The following ABI1 variants were observed in gnomAD, a reference collection of about 807,000 sequenced individuals.
ABI1 encodes Abelson interactor 1.
In ABI1, 14 loss-of-function variants were observed where a neutral mutation model predicts 54.6. That is an observed-to-expected ratio of 0.26 (90% CI 0.17 to 0.40). The LOEUF (loss-of-function observed/expected upper bound fraction) is 0.40, where lower values mean the gene tolerates loss of function less well. ABI1 is among the 10% of genes least tolerant of loss of function. ABI1 has a pLI of 1.00. For missense variants in ABI1, 443 were observed against 598.3 expected, an observed-to-expected ratio of 0.74 and a Z score of 2.71; for synonymous variants, 194 against 209.3, an observed-to-expected ratio of 0.93 and a Z score of 0.63.
intron 2 of ABI1, among the ~76,000 whole-genome samples, chr10:26,782,307 T>A (rs1842208557): frequency 6.6e-6 from 1 of 152,126 alleles, no homozygotes; most frequent in Non-Finnish European, 1.5e-5. Flanking sequence ...CCACAGCATC[T>A]TATATCGCTT....
In ABI1 at chr10:26,777,282, C is replaced by T. The variant is rs765922059; in HGVS notation, c.286-41G>A. 19 of 1,497,364 alleles carry T rather than the reference C, an allele frequency of 1.3e-5. No individual in the cohort carries two copies. The Admixed American group carries it at 1.9e-4, about 15-fold the overall frequency. 92.8% of individuals were successfully genotyped at this position (1,497,364 alleles called of 1,614,324 possible). Reference sequence around the variant, plus strand: ...AACAAAACAAGAAAATATTATTTGACATAATATGTTTGCTATCCATATACA... The same window carrying T: ...AACAAAACAAGAAAATATTATTTGATATAATATGTTTGCTATCCATATACA... On this transcript the variant is annotated intron_variant, in intron 2 of 10. Transcript: ENST00000376140.
At chr10:26,809,628 AG>A (rs1243933254) in intron 2 of ABI1, among the ~76,000 whole-genome samples, 1 of 152,208 alleles carries the variant, frequency 6.6e-6, no homozygotes, top group Non-Finnish European at 1.5e-5. Context: ...CACATAAAAA[AG>A]GGGGGAAATA....
chr10:26,831,308 C>T (rs896701097), intron 1 of ABI1, among the ~76,000 whole-genome samples: 1 of 151,976 alleles, frequency 6.6e-6, no homozygotes. Context: ...TTTGGGAGGC[C>T]CAGGCAGGTG....
chr10:26,824,799 T>C (rs1356848767), intron 1 of ABI1, among the ~76,000 whole-genome samples: 2 of 152,150 alleles, frequency 1.3e-5, no homozygotes, highest in Non-Finnish European at 1.5e-5. Flanking sequence ...CATATCTTGT[T>C]TCACAGATTT....
chr10:26,751,485 G>A, intron 10 of ABI1, 113 bp downstream of exon 10: 2 of 1,017,962 alleles, frequency 2.0e-6, no homozygotes, highest in Non-Finnish European at 2.8e-6. Context: ...AATCATCTTG[G>A]TTGGTAAGGC....
At chr10:26,770,381 C>G (rs771992930) in intron 4 of ABI1, 36 bp from the exon 5 acceptor site, 2 of 1,561,590 alleles carry the variant, frequency 1.3e-6, no homozygotes, top group Non-Finnish European at 1.8e-6. Flanking sequence ...ATTTTTATAT[C>G]AAATTGTTCT....
intron 1 of ABI1, among the ~76,000 whole-genome samples, chr10:26,859,018 C>G (rs151213715): frequency 1.6e-3 from 237 of 152,258 alleles, no homozygotes; most frequent in African/African-American, 5.2e-3. Flanking sequence ...AATTAAGGTT[C>G]TCCTCAATTT....
At chr10:26,806,687 G>A (rs888553482) in intron 2 of ABI1, among the ~76,000 whole-genome samples, 2 of 152,108 alleles carry the variant, frequency 1.3e-5, no homozygotes, top group Non-Finnish European at 2.9e-5. Context: ...TAGTTAGAAT[G>A]GTTTCTATCT....
intron 2 of ABI1, among the ~76,000 whole-genome samples, chr10:26,800,171 G>T (rs1478106924): frequency 6.6e-6 from 1 of 152,086 alleles, no homozygotes; most frequent in Non-Finnish European, 1.5e-5. Flanking sequence ...ATCACCTGAG[G>T]TCAGGAGTTC....
chr10:26,830,716 T>G (rs1391448738), intron 1 of ABI1, among the ~76,000 whole-genome samples: 1 of 152,086 alleles, frequency 6.6e-6, no homozygotes, highest in Non-Finnish European at 1.5e-5. Flanking sequence ...TTATGAAAAT[T>G]CTAGTGCTCC....
In ABI1 at chr10:26,860,768, G is replaced by A; in HGVS notation, c.96C>T (p.Tyr32=). 1 of 1,614,092 alleles carries A rather than the reference G, an allele frequency of 6.2e-7. No individual in the cohort carries two copies. The highest frequency in any genetic ancestry group is 1.3e-5 in the African/African-American group (1 of 75,038). The change falls in exon 1 of 11, where the codon TAC becomes TAT. Residue 32 remains tyrosine, a synonymous_variant. Coordinates refer to ENST00000376140, the MANE Select transcript of ABI1 (RefSeq NM_001012750.3). This position sits in a 1 kb window ranked among gnomAD's most constrained non-coding sequence, Gnocchi z 4.1. Reference sequence around the variant, plus strand: ...TCACCTGTATGTAGTTGTTTTCACAGTAGTCTGCCACCCGAGTCAGGTTCT... The same window carrying A: ...TCACCTGTATGTAGTTGTTTTCACAATAGTCTGCCACCCGAGTCAGGTTCT... ...SYQNLTRVAD[Y]CENNYIQATD...
intron 2 of ABI1, among the ~76,000 whole-genome samples, chr10:26,780,258 G>A (rs150904161): frequency 1.3e-5 from 2 of 151,978 alleles, no homozygotes; most frequent in Admixed American, 6.6e-5. Flanking sequence ...ACAAGGTCTC[G>A]CTCTGTCACC....
intron 1 of ABI1, among the ~76,000 whole-genome samples, chr10:26,845,352 T>C (rs1176489427): frequency 3.9e-5 from 6 of 152,148 alleles, no homozygotes; most frequent in South Asian, 2.1e-4. Context: ...ATAAATAATA[T>C]AGACACAAAG....
chr10:26,774,206 GTATT>G (rs1198406660), intron 3 of ABI1, among the ~76,000 whole-genome samples: 1 of 152,020 alleles, frequency 6.6e-6, no homozygotes, highest in Non-Finnish European at 1.5e-5. Flanking sequence ...TAGTTATATT[GTATT>G]TATTTGTATT....
At chr10:26,774,861 A>C (rs1409952809) in intron 3 of ABI1, among the ~76,000 whole-genome samples, 1 of 151,936 alleles carries the variant, frequency 6.6e-6, no homozygotes, top group Non-Finnish European at 1.5e-5. Context: ...TATTTCTTAA[A>C]TACCAGAAAA....
chr10:26,815,281 A>G (rs1327960094), intron 2 of ABI1, among the ~76,000 whole-genome samples: 1 of 152,164 alleles, frequency 6.6e-6, no homozygotes, highest in Non-Finnish European at 1.5e-5. Context: ...AATTCAATGT[A>G]ATTTACAGAA....
intron 3 of ABI1, chr10:26,776,783 G>A: frequency 7.3e-6 from 2 of 274,280 alleles, no homozygotes; most frequent in Non-Finnish European, 1.4e-5. Flanking sequence ...TAAATGTTCA[G>A]TAGTGAAAGA....
chr10:26,843,027 G>C (rs901976499), intron 1 of ABI1, among the ~76,000 whole-genome samples: 1 of 151,962 alleles, frequency 6.6e-6, no homozygotes, highest in African/African-American at 2.4e-5. Context: ...CTGGGCGACA[G>C]AGCAAGACTC....
At chr10:26,820,222 T>C (rs1025625370) in intron 2 of ABI1, among the ~76,000 whole-genome samples, 28 of 152,322 alleles carry the variant, frequency 1.8e-4, no homozygotes, top group Middle Eastern at 3.4e-3. Context: ...TGTGAGGTGA[T>C]AGATATGCTA....
Sources: gnomAD v4.1 joint callset for allele counts (sites outside exome capture counted in the v4.1 genomes callset) on GRCh38, gnomAD v4.1.1 for gene constraint, Gnocchi (gnomAD v3.1) non-coding constraint, MANE v1.5 for transcripts, NCBI Gene and HGNC (gene_info 2026-07-23, HGNC 2026-07-21) for gene names.